DGLUCY: variants seen among roughly 807,000 people sequenced by gnomAD.
DGLUCY encodes D-glutamate cyclase.
In DGLUCY, 58 loss-of-function variants were observed where a neutral mutation model predicts 58.5. The ratio of observed to expected loss-of-function variants is 0.99; its 90% CI spans 0.80 to 1.23. The LOEUF is 1.23. DGLUCY is among the 50% of genes most tolerant of loss of function. The pLI, the probability that DGLUCY is intolerant of heterozygous loss-of-function variation, is 0.00. For synonymous variants in DGLUCY, 325 were observed against 314.1 expected, an observed-to-expected ratio of 1.03 and a Z score of -0.37; for missense variants, 779 against 784.7, an observed-to-expected ratio of 0.99 and a Z score of 0.09.
intron 1 of DGLUCY, among the ~76,000 whole-genome samples, chr14:91,149,630 G>GT (rs1264063208): frequency 6.6e-6 from 1 of 152,130 alleles, no homozygotes; most frequent in Admixed American, 6.6e-5. Context: ...ATATTTTGTG[G>GT]TTACAGGAAT....
intron 1 of DGLUCY, among the ~76,000 whole-genome samples, chr14:91,121,211 T>C (rs1326750020): frequency 6.6e-6 from 1 of 152,184 alleles, no homozygotes; most frequent in African/African-American, 2.4e-5. Context: ...TCTTCCTCAT[T>C]AGCAGCTCCA....
At chr14:91,099,675 G>T (rs2044453646) in intron 1 of DGLUCY, among the ~76,000 whole-genome samples, 2 of 152,226 alleles carry the variant, frequency 1.3e-5, no homozygotes, top group African/African-American at 4.8e-5. Flanking sequence ...CAACCCAGGG[G>T]ATCTGCAGTT....
chr14:91,210,684 C>A (rs1451223223), intron 12 of DGLUCY, among the ~76,000 whole-genome samples: 1 of 152,106 alleles, frequency 6.6e-6, no homozygotes, highest in East Asian at 1.9e-4. Flanking sequence ...ATGATAAAAA[C>A]TTTCAGCAAA....
Position 91,062,590 on chromosome 14 carries a change from TATATATATATATATATATATA to T in DGLUCY, c.-82+1888_-82+1908del, listed in dbSNP as rs1378510224. On this transcript the variant is annotated intron_variant, in intron 1 of 4. Coordinates refer to the DGLUCY transcript ENST00000521334. Reference sequence around the variant, plus strand: ...ATATATATATATATATATATATATATATATATATATATATATATATAAACAATCCTTAGCTCAAGGGCAGTT... The same window carrying T: ...ATATATATATATATATATATATATATAACAATCCTTAGCTCAAGGGCAGTT... Among the ~76,000 whole-genome samples the T allele has an allele frequency of 3.6e-3, 89 of 24,702 alleles. 11 individuals are homozygous for T. The highest frequency in any genetic ancestry group is 0.011 in the African/African-American group (75 of 6,800). 16.2% of individuals were successfully genotyped at this position (24,702 alleles called of 152,430 possible).
At chr14:91,181,140 A>G (rs1348474215) in intron 7 of DGLUCY, 46 bp from the exon 8 acceptor site, 2 of 1,579,192 alleles carry the variant, frequency 1.3e-6, no homozygotes, top group East Asian at 2.2e-5. Context: ...GGTAGGCTGG[A>G]CTTGATGAAG....
At chr14:91,104,344 G>C (rs1033751620), upstream of DGLUCY, among the ~76,000 whole-genome samples, 6 of 151,940 alleles carry the variant, frequency 3.9e-5, no homozygotes, top group African/African-American at 1.5e-4. Context: ...TTACAGGCGT[G>C]AGCCACCGCG....
chr14:91,090,370 C>A (rs2044291666), intron 1 of DGLUCY, among the ~76,000 whole-genome samples: 1 of 152,156 alleles, frequency 6.6e-6, no homozygotes, highest in South Asian at 2.1e-4. Flanking sequence ...CCTCCACATG[C>A]TCTGTTTCTT....
chr14:91,175,901 T>C (rs1165964010), intron 6 of DGLUCY, 33 bp from the exon 7 acceptor site: 13 of 1,611,714 alleles, frequency 8.1e-6, no homozygotes, highest in Non-Finnish European at 1.1e-5. Flanking sequence ...TGCTCCCTGC[T>C]GAGGAAATTA....
At chr14:91,108,263 G>A (rs938725893) in intron 1 of DGLUCY, among the ~76,000 whole-genome samples, 3 of 152,022 alleles carry the variant, frequency 2.0e-5, no homozygotes, top group Non-Finnish European at 2.9e-5. Context: ...TAAAATTTTG[G>A]TACTGGGTTC....
chr14:91,191,142 T>G (rs2049861377), intron 9 of DGLUCY, among the ~76,000 whole-genome samples: 1 of 152,116 alleles, frequency 6.6e-6, no homozygotes, highest in Non-Finnish European at 1.5e-5. Context: ...GGACCTGAGG[T>G]GTAAGTGACA....
intron 1 of DGLUCY, among the ~76,000 whole-genome samples, chr14:91,086,449 ATACTT>A (rs1415525972): frequency 3.3e-5 from 5 of 152,164 alleles, no homozygotes; most frequent in African/African-American, 9.7e-5. Flanking sequence ...ATCCCACTGT[ATACTT>A]TAAGTCATTT....
chr14:91,062,421 G>T (rs1031569904), intron 1 of DGLUCY, among the ~76,000 whole-genome samples: 4 of 150,518 alleles, frequency 2.7e-5, no homozygotes, highest in African/African-American at 9.8e-5. Context: ...GGTGGTGGGC[G>T]CCTGTAATCC....
At chr14:91,216,660 A>AG (rs1169851997) in intron 13 of DGLUCY, among the ~76,000 whole-genome samples, 5 of 150,698 alleles carry the variant, frequency 3.3e-5, no homozygotes, top group African/African-American at 1.2e-4. Context: ...AAAAAAAAAA[A>AG]GAATCCCTGG....
intron 1 of DGLUCY, among the ~76,000 whole-genome samples, chr14:91,152,346 A>G (rs995493048): frequency 6.6e-6 from 1 of 152,156 alleles, no homozygotes; most frequent in Non-Finnish European, 1.5e-5. Flanking sequence ...GCAGTGAGCC[A>G]TCATTGCACT....
rs796803760 is a variant in DGLUCY at position 91,089,820 on chromosome 14, C to CA, written c.-82+29129dup. On this transcript the variant is annotated intron_variant, in intron 1 of 4. Transcript: ENST00000521334. ...TGGGTGACAGAGTGAGACTCTGTCT[C>CA]AAAAAAAAAAAAAGCATGAAAAGGG... 4.9e-3 allele frequency among the ~76,000 whole-genome samples: 451 copies of CA among 92,646 alleles called. 1 individual carries two copies. The highest frequency in any genetic ancestry group is 0.012 in the African/African-American group (309 of 26,414). The allele number at this position is 92,646 out of a possible 152,430, so 60.8% of individuals were successfully genotyped here.
intron 13 of DGLUCY, among the ~76,000 whole-genome samples, chr14:91,218,084 C>T (rs1160507119): frequency 6.6e-6 from 1 of 152,186 alleles, no homozygotes; most frequent in Non-Finnish European, 1.5e-5. Flanking sequence ...AGAAGTGTCC[C>T]AGGTAGTGCC....
At chr14:91,223,033 A>G (rs1887737385) in intron 13 of DGLUCY, among the ~76,000 whole-genome samples, 1 of 152,124 alleles carries the variant, frequency 6.6e-6, no homozygotes, top group African/African-American at 2.4e-5. Flanking sequence ...CAATCTTATT[A>G]CCTCCCAAAG....
intron 1 of DGLUCY, among the ~76,000 whole-genome samples, chr14:91,108,962 G>A (rs1454931069): frequency 2.0e-5 from 3 of 152,142 alleles, no homozygotes; most frequent in Non-Finnish European, 4.4e-5. Flanking sequence ...GGATTGTGAT[G>A]CCCCAGGCCC....
chr14:91,074,118 TACACACACACACAC>T (rs3086753), intron 1 of DGLUCY, among the ~76,000 whole-genome samples: 29 of 70,334 alleles, frequency 4.1e-4, no homozygotes, highest in African/African-American at 1.3e-3. Context: ...TATATATATA[TACACACACACACAC>T]ACACACACAC....
Sources: gnomAD v4.1 joint callset for allele counts (sites outside exome capture counted in the v4.1 genomes callset) on GRCh38, gnomAD v4.1.1 for gene constraint, MANE v1.5 for transcripts, NCBI Gene and HGNC (gene_info 2026-07-23, HGNC 2026-07-21) for gene names.